Variants in ATP13A5 observed in about 807,000 individuals in gnomAD.
The protein encoded by ATP13A5 is ATPase 13A5.
A neutral mutation model predicts 150.2 loss-of-function variants in ATP13A5; 149 were observed. The observed-to-expected ratio is 0.99, with a 90% CI of 0.87 to 1.14. The LOEUF is 1.14. Ranked by LOEUF, ATP13A5 falls within the 50% of genes most tolerant of loss-of-function variation. The probability of loss-of-function intolerance (pLI) is 0.00; values close to 1 mark genes in which losing one functional copy is unlikely to be tolerated. For synonymous variants in ATP13A5, 497 were observed against 522.2 expected (o/e 0.95, Z 0.66); for missense variants, 1,383 against 1,449.3 (o/e 0.95, Z 0.74).
intron 5 of ATP13A5, among the ~76,000 whole-genome samples, chr3:193,360,685 A>AT (rs1008416641): frequency 1.1e-4 from 16 of 151,048 alleles, no homozygotes; most frequent in Non-Finnish European, 1.8e-4. Context: ...TGTGGATCAG[A>AT]TTTTTTTTTG....
At chr3:193,276,358 C>T (rs1042813983) in intron 29 of ATP13A5, among the ~76,000 whole-genome samples, 47 of 152,334 alleles carry the variant, frequency 3.1e-4, no homozygotes, top group African/African-American at 9.9e-4. Context: ...ACGGCTTCTC[C>T]TCTTTCTTAT....
At chr3:193,361,785 T>C (rs1162564268) in intron 5 of ATP13A5, among the ~76,000 whole-genome samples, 1 of 152,236 alleles carries the variant, frequency 6.6e-6, no homozygotes, top group East Asian at 1.9e-4. Flanking sequence ...GACTAGTCCG[T>C]GTCTCTGGGA....
chr3:193,298,112 C>T (rs1718245336), intron 25 of ATP13A5, among the ~76,000 whole-genome samples: 1 of 152,104 alleles, frequency 6.6e-6, no homozygotes, highest in Non-Finnish European at 1.5e-5. Flanking sequence ...GTCACGAAAA[C>T]AGGCCACAAT....
At chr3:193,353,283 A>T (rs1239084864) in intron 6 of ATP13A5, among the ~76,000 whole-genome samples, 1 of 150,994 alleles carries the variant, frequency 6.6e-6, no homozygotes, top group East Asian at 2.0e-4. Context: ...AAAGAGAAAA[A>T]TTGATGGGGA....
intron 18 of ATP13A5, 22 bp downstream of exon 18, chr3:193,314,950 G>C: frequency 2.5e-6 from 4 of 1,605,844 alleles, no homozygotes; most frequent in Non-Finnish European, 3.4e-6. Flanking sequence ...AACTTGCCAG[G>C]CCCCTAGAAA....
At chr3:193,300,465 C>A (rs540264481) in intron 24 of ATP13A5, among the ~76,000 whole-genome samples, 2 of 152,262 alleles carry the variant, frequency 1.3e-5, no homozygotes, top group South Asian at 4.1e-4. Context: ...GTGATTCTTG[C>A]AAGCAATAGC....
intron 9 of ATP13A5, among the ~76,000 whole-genome samples, chr3:193,339,600 C>A (rs532827027): frequency 6.6e-6 from 1 of 152,230 alleles, no homozygotes; most frequent in South Asian, 2.1e-4. Context: ...TCAAGAAATT[C>A]TTTTAGGCAA....
At chr3:193,351,374 T>C (rs1436844623) in intron 6 of ATP13A5, among the ~76,000 whole-genome samples, 173 bp from the exon 7 acceptor site, 1 of 151,696 alleles carries the variant, frequency 6.6e-6, no homozygotes, top group Non-Finnish European at 1.5e-5. Flanking sequence ...GTCAAACACA[T>C]AGAATGTGAT....
At chr3:193,367,040 A>G (rs1713263519) in intron 1 of ATP13A5, among the ~76,000 whole-genome samples, 1 of 152,102 alleles carries the variant, frequency 6.6e-6, no homozygotes, top group Non-Finnish European at 1.5e-5. Context: ...ATGGAATGCA[A>G]TGAAGATAAT....
chr3:193,306,391 G>A (rs773576940), intron 22 of ATP13A5, among the ~76,000 whole-genome samples: 9 of 151,798 alleles, frequency 5.9e-5, no homozygotes, highest in South Asian at 2.1e-4. Context: ...TATTCTAAAC[G>A]CCACATAATT....
chr3:193,294,667 C>G (rs1392301531), intron 25 of ATP13A5, among the ~76,000 whole-genome samples: 3 of 152,026 alleles, frequency 2.0e-5, no homozygotes, highest in Non-Finnish European at 4.4e-5. Flanking sequence ...AACCTGGAAA[C>G]CTGGAAATGT....
intron 7 of ATP13A5, among the ~76,000 whole-genome samples, chr3:193,348,325 C>T (rs3845941): frequency 0.97 from 147,031 of 152,308 alleles, 71,000 homozygotes; most frequent in African/African-American, 0.99. Context: ...TTGTGTTTGT[C>T]GTGGCTGGAT....
intron 5 of ATP13A5, among the ~76,000 whole-genome samples, chr3:193,355,485 T>C (rs1344066090): frequency 6.6e-6 from 1 of 152,192 alleles, no homozygotes; most frequent in Non-Finnish European, 1.5e-5. Context: ...GGGGAGAATC[T>C]GCATGAGAGA....
At chr3:193,368,715 C>T (rs1229699546) in intron 1 of ATP13A5, among the ~76,000 whole-genome samples, 3 of 152,036 alleles carry the variant, frequency 2.0e-5, no homozygotes, top group South Asian at 4.1e-4. Context: ...CAGAGCAAAA[C>T]GAATAGCACT....
intron 25 of ATP13A5, among the ~76,000 whole-genome samples, 183 bp from the exon 26 acceptor site, chr3:193,290,242 C>T (rs1246423031): frequency 6.6e-6 from 1 of 152,088 alleles, no homozygotes; most frequent in Non-Finnish European, 1.5e-5. Flanking sequence ...GCCTTTGTCT[C>T]TTCCATGCTC....
At chr3:193,344,078 T>C (rs755527518) in intron 8 of ATP13A5, 23 bp from the exon 9 acceptor site, 3 of 1,608,020 alleles carry the variant, frequency 1.9e-6, no homozygotes, top group Non-Finnish European at 2.5e-6. Flanking sequence ...AAAGTTTCCA[T>C]GAATAGCTGA....
chr3:193,367,953 G>A (rs1034401899), intron 1 of ATP13A5, among the ~76,000 whole-genome samples: 6 of 138,912 alleles, frequency 4.3e-5, no homozygotes, highest in South Asian at 2.6e-4. Context: ...CCAGTGCAAC[G>A]CAAGAAATAG....
chr3:193,377,504 C>T (rs186742480), intron 1 of ATP13A5, among the ~76,000 whole-genome samples: 2 of 152,076 alleles, frequency 1.3e-5, no homozygotes, highest in East Asian at 1.9e-4. Flanking sequence ...AAATCTGGTG[C>T]GTATTTTACA....
chr3:193,356,621 A>T (rs1712801043), intron 5 of ATP13A5, among the ~76,000 whole-genome samples: 1 of 152,092 alleles, frequency 6.6e-6, no homozygotes, highest in Non-Finnish European at 1.5e-5. Flanking sequence ...AAATACATAA[A>T]GCATTTAGTT....
Sources: allele counts gnomAD v4.1 joint callset (sites outside exome capture counted in the v4.1 genomes callset), GRCh38; gene constraint gnomAD v4.1.1; transcripts MANE v1.5; gene names NCBI Gene and HGNC (gene_info 2026-07-23, HGNC 2026-07-21).